KCNJ4: variants seen among roughly 807,000 people sequenced by gnomAD.
KCNJ4 encodes potassium inwardly rectifying channel subfamily J member 4.
KCNJ4 carries 3 observed loss-of-function variants against 25.6 expected under a neutral mutation model. The ratio of observed to expected loss-of-function variants is 0.12; its 90% CI spans 0.05 to 0.30. The LOEUF (loss-of-function observed/expected upper bound fraction) is 0.30, where lower values mean the gene tolerates loss of function less well. Among genes scored for constraint, KCNJ4 ranks in the 10% least tolerant of loss-of-function variants. The probability of loss-of-function intolerance (pLI) is 1.00; values close to 1 mark genes in which losing one functional copy is unlikely to be tolerated. For missense variants in KCNJ4, 286 were observed against 666.8 expected (o/e 0.43, Z 6.29); for synonymous variants, 257 against 283.9 (o/e 0.91, Z 0.95).
intron 1 of KCNJ4, among the ~76,000 whole-genome samples, chr22:38,451,182 G>A (rs2089408564): frequency 6.6e-6 from 1 of 152,188 alleles, no homozygotes; most frequent in Non-Finnish European, 1.5e-5. Flanking sequence ...GCTCCTCTTT[G>A]GGAAACACCA....
chr22:38,454,771 C>CCAGACGGA (rs1286630677), intron 1 of KCNJ4, among the ~76,000 whole-genome samples: 12 of 152,090 alleles, frequency 7.9e-5, no homozygotes, highest in Non-Finnish European at 1.6e-4. Flanking sequence ...CGCGACGCTC[C>CCAGACGGA]CAGACGGACA....
chr22:38,451,136 G>T (rs557640858), intron 1 of KCNJ4, among the ~76,000 whole-genome samples: 1 of 152,194 alleles, frequency 6.6e-6, no homozygotes, highest in Non-Finnish European at 1.5e-5. Flanking sequence ...GTGTTTCCTC[G>T]CTGGGAAGCG....
In KCNJ4 at chr22:38,426,586, C is replaced by T. The variant is rs544843409; in HGVS notation, c.*209G>A. The T allele has an allele frequency of 8.6e-5, 51 of 592,198 alleles. No homozygotes were observed. Among genetic ancestry groups the T allele is most frequent in the East Asian group, 2.9e-4 (10 of 34,170 alleles). 36.7% of individuals were successfully genotyped at this position (592,198 alleles called of 1,614,324 possible). A position where few individuals can be genotyped will look rare whatever the true frequency, so the allele number is the denominator to read the frequency against. On this transcript the variant is annotated 3_prime_UTR_variant, in exon 2 of 2. Transcript: ENST00000303592. ...TAGAGCCACCAGAAGTAGGCGCTGG[C>T]GGAACTCAGGCTGATCGGGGCCGAG...
chr22:38,447,398 C>T (rs376237231), intron 1 of KCNJ4, among the ~76,000 whole-genome samples: 55 of 152,276 alleles, frequency 3.6e-4, no homozygotes, highest in Admixed American at 3.3e-4. Flanking sequence ...AGCCCCTCTG[C>T]CTGCTCCATT....
chr22:38,448,070 AAAAAG>A lies in KCNJ4; in HGVS notation c.-40+6905_-40+6909del, dbSNP rs1255736655. Among the ~76,000 whole-genome samples the A allele has an allele frequency of 5.3e-5, 8 of 150,546 alleles. No homozygotes were observed. In the East Asian group the frequency reaches 5.8e-4, roughly 11 times the overall value. ...CACAGTGAGACTCTCAAAAAAAAAA[AAAAAG>A]AAAAGAAAAGAAAAGAAAAAAGTAG... On this transcript the variant is annotated intron_variant, in intron 1 of 1. Transcript: ENST00000303592.
At chr22:38,452,923 A>T (rs1260691409) in intron 1 of KCNJ4, among the ~76,000 whole-genome samples, 10 of 133,114 alleles carry the variant, frequency 7.5e-5, no homozygotes, top group Non-Finnish European at 1.5e-4. Context: ...CACCGCCGCT[A>T]GTTTCCTGGT....
chr22:38,451,154 G>A (rs918022816), intron 1 of KCNJ4, among the ~76,000 whole-genome samples: 6 of 152,340 alleles, frequency 3.9e-5, no homozygotes, highest in South Asian at 4.1e-4. Flanking sequence ...GCGGGGAAGC[G>A]ATGGGCACTG....
rs763513925 is a variant in KCNJ4 at position 38,426,995 on chromosome 22, T to C, written c.1138A>G (p.Met380Val). 17 of 1,612,396 alleles carry C rather than the reference T, an allele frequency of 1.1e-5. No individual in the cohort carries two copies. The Admixed American group carries it at 2.8e-4, about 27-fold the overall frequency. Reference protein sequence around the residue: ...AFCYENELALMSQEEEEMEEE... With the variant: ...AFCYENELALVSQEEEEMEEE... ...TCCATCTCCTCTTCCTCCTGGCTCA[T>C]AAGGGCCAGCTCGTTCTCGTAGCAG... The change falls in exon 2 of 2, where the codon ATG (methionine) becomes GTG (valine). Residue 380 changes from methionine to valine, a missense_variant. Met to Val is a conservative substitution (Grantham distance 21). Transcript: ENST00000303592.
At chr22:38,429,407 G>A (rs1336425493) in intron 1 of KCNJ4, among the ~76,000 whole-genome samples, 1 of 152,214 alleles carries the variant, frequency 6.6e-6, no homozygotes, top group Non-Finnish European at 1.5e-5. Flanking sequence ...GCACCAACAT[G>A]AATGAGTTGA....
chr22:38,453,187 T>C (rs1602647689), intron 1 of KCNJ4, among the ~76,000 whole-genome samples: 1 of 152,166 alleles, frequency 6.6e-6, no homozygotes, highest in South Asian at 2.1e-4. Context: ...GAACCTACTA[T>C]GCTCCAGGCT....
intron 1 of KCNJ4, 74 bp from the exon 2 acceptor site, chr22:38,428,245 C>T (rs1389296920): frequency 8.2e-6 from 11 of 1,340,674 alleles, no homozygotes; most frequent in Non-Finnish European, 1.0e-5. Context: ...GACTCAGCCC[C>T]AAGACTCTCA....
intron 1 of KCNJ4, among the ~76,000 whole-genome samples, chr22:38,439,803 A>T (rs1052757402): frequency 6.8e-5 from 9 of 132,128 alleles, no homozygotes; most frequent in Non-Finnish European, 1.4e-4. Context: ...GAAATACAAC[A>T]TTCCTAGCCA....
chr22:38,448,744 G>A (rs772197596), intron 1 of KCNJ4, among the ~76,000 whole-genome samples: 7 of 152,138 alleles, frequency 4.6e-5, no homozygotes, highest in South Asian at 2.1e-4. Flanking sequence ...GGTGGTCTCC[G>A]GACTCGGTTT....
At chr22:38,433,043 G>C (rs1406582416) in intron 1 of KCNJ4, among the ~76,000 whole-genome samples, 1 of 152,178 alleles carries the variant, frequency 6.6e-6, no homozygotes, top group Non-Finnish European at 1.5e-5. Context: ...TTTTTAGAAA[G>C]TGATGGACAT....
At chr22:38,446,346 G>C (rs2089374765) in intron 1 of KCNJ4, among the ~76,000 whole-genome samples, 1 of 152,202 alleles carries the variant, frequency 6.6e-6, no homozygotes, top group African/African-American at 2.4e-5. Flanking sequence ...GTCTGTTGGG[G>C]GCAGCCTTGG....
At chr22:38,442,917 A>T (rs13056504) in intron 1 of KCNJ4, among the ~76,000 whole-genome samples, 1 of 151,764 alleles carries the variant, frequency 6.6e-6, no homozygotes, top group Admixed American at 6.6e-5. Flanking sequence ...TTATTTTTTA[A>T]TTTTTTGTAG....
At chr22:38,439,531 C>A (rs188982217) in intron 1 of KCNJ4, among the ~76,000 whole-genome samples, 15 of 152,134 alleles carry the variant, frequency 9.9e-5, no homozygotes, top group Admixed American at 6.5e-4. Flanking sequence ...AATCCCGGCA[C>A]TTTGGGAGGC....
At chr22:38,444,239 G>A (rs1001067483) in intron 1 of KCNJ4, among the ~76,000 whole-genome samples, 1 of 152,200 alleles carries the variant, frequency 6.6e-6, no homozygotes, top group Admixed American at 6.5e-5. Context: ...CTGGCATAGA[G>A]TAGCTGCTTC....
intron 1 of KCNJ4, among the ~76,000 whole-genome samples, chr22:38,447,562 T>A (rs991554351): frequency 6.6e-6 from 1 of 151,982 alleles, no homozygotes; most frequent in East Asian, 1.9e-4. Context: ...CTCAGGCCTA[T>A]GAGGAGAGGG....
Sources: allele counts gnomAD v4.1 joint callset (sites outside exome capture counted in the v4.1 genomes callset), GRCh38; gene constraint gnomAD v4.1.1; transcripts MANE v1.5; gene names NCBI Gene and HGNC (gene_info 2026-07-23, HGNC 2026-07-21).